KMT5B: variants seen among roughly 807,000 people sequenced by gnomAD.
KMT5B encodes histone-lysine N-methyltransferase KMT5B.
KMT5B carries 10 observed loss-of-function variants against 83.2 expected under a neutral mutation model. The ratio of observed to expected loss-of-function variants is 0.12; its 90% CI spans 0.07 to 0.20. KMT5B has a LOEUF of 0.20. Among genes scored for constraint, KMT5B ranks in the 10% least tolerant of loss-of-function variants. The pLI is 1.00. For synonymous variants in KMT5B, 349 were observed against 388.8 expected (o/e 0.90, Z 1.20); for missense variants, 753 against 1,067.2 (o/e 0.71, Z 4.10).
upstream of KMT5B, chr11:68,213,597 G>C (rs542278863): frequency 1.3e-5 from 2 of 152,782 alleles, no homozygotes; most frequent in African/African-American, 2.4e-5. Flanking sequence ...TCATCGCCCC[G>C]CTGCCCTGCC....
At chr11:68,197,649 A>G (rs543684671) in intron 1 of KMT5B, among the ~76,000 whole-genome samples, 1 of 152,318 alleles carries the variant, frequency 6.6e-6, no homozygotes, top group East Asian at 1.9e-4. Flanking sequence ...CAAACTGGAA[A>G]AAATCTGTGC....
At chr11:68,190,236 A>T (rs1857886265) in intron 1 of KMT5B, 84 bp from the exon 2 acceptor site, 2 of 643,628 alleles carry the variant, frequency 3.1e-6, no homozygotes, top group African/African-American at 1.8e-5. Context: ...CTTGAGAAAG[A>T]TATATAATAT....
At position 68,156,139 on chromosome 11, in the gene KMT5B, TC is replaced by T. The variant is rs1859281162; in HGVS notation, c.*1548del. ...TGACCTTCAGATTCCTTTTCATATT[TC>T]AAGACATGGGCTACTTTCCTATAGA... On this transcript the variant is annotated 3_prime_UTR_variant, in exon 11 of 11. Transcript: ENST00000304363. 6 of 152,288 alleles carry T rather than the reference TC, an allele frequency of 3.9e-5. No individual in the cohort carries two copies. The South Asian group carries it at 1.2e-3, about 32-fold the overall frequency. 9.4% of individuals were successfully genotyped at this position (152,288 alleles called of 1,614,324 possible).
chr11:68,179,355 TTC>T, intron 4 of KMT5B: 5 of 1,002,404 alleles, frequency 5.0e-6, no homozygotes, highest in Admixed American at 5.7e-5. Flanking sequence ...TATCTATTTT[TTC>T]TCTTTTTACA....
chr11:68,169,371 T>A (rs1049246007), intron 9 of KMT5B, among the ~76,000 whole-genome samples: 27 of 152,214 alleles, frequency 1.8e-4, no homozygotes, highest in African/African-American at 6.5e-4. Context: ...ACTCTATTCA[T>A]TCATTTACCA....
intron 1 of KMT5B, among the ~76,000 whole-genome samples, chr11:68,205,058 G>GA (rs990152596): frequency 2.0e-5 from 3 of 151,070 alleles, no homozygotes; most frequent in Admixed American, 1.3e-4. Flanking sequence ...CATGTCACAG[G>GA]AAAAAAGATT....
At chr11:68,190,670 G>T (rs1857934880) in intron 1 of KMT5B, among the ~76,000 whole-genome samples, 1 of 152,218 alleles carries the variant, frequency 6.6e-6, no homozygotes, top group Non-Finnish European at 1.5e-5. Context: ...GTAGGAAAAG[G>T]TTATAGAATA....
At position 68,190,155 on chromosome 11, in the gene KMT5B, A is replaced by G; in HGVS notation, c.-76-3T>C. The G allele has an allele frequency of 7.5e-7, 1 of 1,337,782 alleles. No homozygotes were observed. Among genetic ancestry groups the G allele is most frequent in the South Asian group, 1.3e-5 (1 of 77,216 alleles). 82.9% of individuals were successfully genotyped at this position (1,337,782 alleles called of 1,614,324 possible). A position where few individuals can be genotyped will look rare whatever the true frequency, so the allele number is the denominator to read the frequency against. ...GAGAATACTTTCAATGTTCTCTCCTAACAGAAACAAAATATGAAAAACAAA... is the reference window on the plus strand; with the variant it reads ...GAGAATACTTTCAATGTTCTCTCCTGACAGAAACAAAATATGAAAAACAAA... On this transcript the variant is annotated splice_polypyrimidine_tract_variant and splice_region_variant and intron_variant, in intron 1 of 10. Transcript: ENST00000304363.
rs1394970133 is a variant in KMT5B at position 68,166,074 on chromosome 11, A to ATTTG, written c.1174+907_1174+908insCAAA. 2.6e-6 allele frequency: 4 copies of ATTTG among 1,531,726 alleles called. No homozygotes were observed. In the African/African-American group the frequency reaches 4.2e-5, roughly 16 times the overall value. The allele number at this position is 1,531,726 out of a possible 1,614,324, so 94.9% of individuals were successfully genotyped here. On this transcript the variant is annotated intron_variant, in intron 10 of 10. Transcript: ENST00000304363. ...AAGTCTCACTGGACATTTAAGTGCC[A>ATTTG]ACAAAGGCATACTTTCGGAATCGCC...
intron 3 of KMT5B, among the ~76,000 whole-genome samples, chr11:68,182,481 T>C (rs564371472): frequency 5.3e-5 from 8 of 152,296 alleles, no homozygotes; most frequent in East Asian, 1.9e-4. Context: ...TTTTTTAATA[T>C]AGGGTTTCAC....
At chr11:68,200,425 T>C (rs1859289920) in intron 1 of KMT5B, among the ~76,000 whole-genome samples, 1 of 152,238 alleles carries the variant, frequency 6.6e-6, no homozygotes, top group Non-Finnish European at 1.5e-5. Context: ...GATGGGCTAT[T>C]GCTGATCTGT....
chr11:68,175,384 C>CT (rs1281948499), intron 4 of KMT5B, among the ~76,000 whole-genome samples: 1 of 152,186 alleles, frequency 6.6e-6, no homozygotes, highest in Non-Finnish European at 1.5e-5. Flanking sequence ...CGCAAGTTCT[C>CT]TTTTTTCAAT....
chr11:68,210,824 G>C (rs1210495571), intron 1 of KMT5B, among the ~76,000 whole-genome samples: 1 of 152,188 alleles, frequency 6.6e-6, no homozygotes, highest in Non-Finnish European at 1.5e-5. Context: ...TTAACCATCA[G>C]AGCGTTCTAA....
rs756056561 is a variant in KMT5B, at chr11:68,158,487, A to C, written c.1859T>G (p.Val620Gly). ...TTCCTCTATTTTTGCAAACTGTTTC[A>C]CAAGTTTTCCTTGTCGTGACTTCTT... ...SKKKSRQGKL[V>G]KQFAKIEEST... Residue 620 changes from valine to glycine, a missense_variant, in exon 11 of 11, where the codon GTG becomes GGG. By Grantham distance (109) the Val-to-Gly change is moderately radical. Coordinates refer to ENST00000304363, the MANE Select transcript of KMT5B (RefSeq NM_017635.5). The C allele has an allele frequency of 1.2e-6, 2 of 1,614,064 alleles. No individual in the cohort carries two copies. Among genetic ancestry groups the C allele is most frequent in the East Asian group, 4.5e-5 (2 of 44,880 alleles).
At chr11:68,200,632 A>G (rs1460796477) in intron 1 of KMT5B, among the ~76,000 whole-genome samples, 1 of 152,224 alleles carries the variant, frequency 6.6e-6, no homozygotes, top group Non-Finnish European at 1.5e-5. Flanking sequence ...TGATGGGAAT[A>G]GGTTAGTTAA....
At chr11:68,192,468 C>G (rs946862272) in intron 1 of KMT5B, among the ~76,000 whole-genome samples, 2 of 152,100 alleles carry the variant, frequency 1.3e-5, no homozygotes, top group Admixed American at 1.3e-4. Flanking sequence ...AGCAGGTGCT[C>G]AACAAATATT....
chr11:68,208,001 G>C (rs1156945314), intron 1 of KMT5B, among the ~76,000 whole-genome samples: 4 of 150,042 alleles, frequency 2.7e-5, no homozygotes, highest in Non-Finnish European at 5.9e-5. Flanking sequence ...ACCACGCCCA[G>C]CTAATTTTTG....
intron 9 of KMT5B, among the ~76,000 whole-genome samples, chr11:68,169,035 T>C (rs906037835): frequency 3.9e-5 from 6 of 152,254 alleles, no homozygotes; most frequent in African/African-American, 1.4e-4. Flanking sequence ...ACTTCAAGAA[T>C]ATATGCAGCC....
intron 2 of KMT5B, among the ~76,000 whole-genome samples, chr11:68,186,247 G>C (rs1484213398): frequency 6.6e-6 from 1 of 152,124 alleles, no homozygotes. Flanking sequence ...GAAACGGGAC[G>C]GGAGCATGTT....
Sources: gnomAD v4.1 joint callset for allele counts (sites outside exome capture counted in the v4.1 genomes callset) on GRCh38, gnomAD v4.1.1 for gene constraint, MANE v1.5 for transcripts, NCBI Gene and HGNC (gene_info 2026-07-23, HGNC 2026-07-21) for gene names.